GPBP1: variants seen among roughly 807,000 people sequenced by gnomAD.
The protein encoded by GPBP1 is GC-rich promoter binding protein 1.
Under a neutral mutation model 56.5 loss-of-function variants are expected in GPBP1, and 13 were observed. The observed-to-expected ratio is 0.23, with a 90% CI of 0.15 to 0.37. The LOEUF (loss-of-function observed/expected upper bound fraction) is 0.37. Among genes scored for constraint, GPBP1 ranks in the 10% least tolerant of loss-of-function variants. The pLI is 1.00. For missense variants in GPBP1, 477 were observed against 572.3 expected (o/e 0.83, Z 1.70); for synonymous variants, 204 against 188.9 (o/e 1.08, Z -0.66).
chr5:57,209,777 TGTG>T (rs1755396245), intron 2 of GPBP1, among the ~76,000 whole-genome samples: 1 of 152,200 alleles, frequency 6.6e-6, no homozygotes, highest in Non-Finnish European at 1.5e-5. Context: ...ATGTTATTAA[TGTG>T]GTGTATTATT....
chr5:57,255,864 G>A (rs908574863), intron 10 of GPBP1, among the ~76,000 whole-genome samples: 2 of 152,202 alleles, frequency 1.3e-5, no homozygotes, highest in Non-Finnish European at 1.5e-5. Flanking sequence ...ACTTGTGGAA[G>A]AGAGACTTTA....
chr5:57,248,681 G>A (rs989802320), intron 8 of GPBP1, among the ~76,000 whole-genome samples: 3 of 151,934 alleles, frequency 2.0e-5, no homozygotes, highest in Non-Finnish European at 4.4e-5. Flanking sequence ...TGATCCGCCC[G>A]CCTCGGCCTC....
intron 2 of GPBP1, among the ~76,000 whole-genome samples, chr5:57,183,532 A>G (rs1754153069): frequency 6.6e-6 from 1 of 152,062 alleles, no homozygotes; most frequent in South Asian, 2.1e-4. Flanking sequence ...AGTCCCAGCT[A>G]CTTGGGAGGC....
chr5:57,225,508 A>AAAAAC lies in GPBP1; in HGVS notation c.64-5335_64-5334insACAAA, dbSNP rs1554069044. Among the ~76,000 whole-genome samples, 381 of 123,576 alleles carry AAAAAC rather than the reference A, an allele frequency of 3.1e-3. 6 individuals are homozygous for AAAAAC. Among genetic ancestry groups the AAAAAC allele is most frequent in the Middle Eastern group, 5.0e-3 (1 of 200 alleles). 81.1% of individuals were successfully genotyped at this position (123,576 alleles called of 152,430 possible). A position where few individuals can be genotyped will look rare whatever the true frequency, so the allele number is the denominator to read the frequency against. ...TTCCTTCTCAAAAAAAAAAAAAAAA[A>AAAAAC]AAACAAACTGGTATTATTTGTGAAC... On this transcript the variant is annotated intron_variant, in intron 3 of 11. Coordinates refer to ENST00000506184, the MANE Select transcript of GPBP1 (RefSeq NM_022913.4).
At chr5:57,201,231 T>A (rs1425076252) in intron 2 of GPBP1, among the ~76,000 whole-genome samples, 1 of 152,238 alleles carries the variant, frequency 6.6e-6, no homozygotes, top group Non-Finnish European at 1.5e-5. Flanking sequence ...AGGCTCGTGA[T>A]CCTTCTGCCT....
At chr5:57,208,655 C>CTTTTTTTTTTTTTTTTT (rs70999065) in intron 2 of GPBP1, among the ~76,000 whole-genome samples, 1 of 119,072 alleles carries the variant, frequency 8.4e-6, no homozygotes, top group African/African-American at 3.3e-5. Flanking sequence ...TTTTGTTTTT[C>CTTTTTTTTTTTTTTTTT]TTTTTTTTTT....
intron 2 of GPBP1, among the ~76,000 whole-genome samples, chr5:57,211,942 A>C (rs928888684): frequency 2.0e-5 from 3 of 151,354 alleles, no homozygotes; most frequent in African/African-American, 4.9e-5. Context: ...AATTAAAAAA[A>C]AATTTTTTTT....
intron 9 of GPBP1, among the ~76,000 whole-genome samples, 185 bp downstream of exon 9, chr5:57,249,761 C>CCCCCTTCCCCCCT (rs1465147260): frequency 2.0e-4 from 21 of 103,240 alleles, no homozygotes; most frequent in African/African-American, 7.5e-4. Context: ...CCTTCCCCCT[C>CCCCCTTCCCCCCT]CCCCTTCCCC....
At chr5:57,252,722 T>A (rs1204392646) in intron 10 of GPBP1, among the ~76,000 whole-genome samples, 2 of 151,908 alleles carry the variant, frequency 1.3e-5, no homozygotes, top group Non-Finnish European at 2.9e-5. Flanking sequence ...TAAATTTTTT[T>A]TTTTTTTTTG....
At chr5:57,230,157 C>G (rs1756387129) in intron 3 of GPBP1, among the ~76,000 whole-genome samples, 1 of 152,078 alleles carries the variant, frequency 6.6e-6, no homozygotes, top group South Asian at 2.1e-4. Flanking sequence ...GTCTCGAACT[C>G]CCAATCTCAG....
intron 2 of GPBP1, among the ~76,000 whole-genome samples, chr5:57,196,544 G>T (rs1243230575): frequency 6.6e-6 from 1 of 152,118 alleles, no homozygotes; most frequent in Non-Finnish European, 1.5e-5. Flanking sequence ...TGCTTTCATG[G>T]TGCTAAAAGG....
chr5:57,223,143 T>A (rs1018556632), intron 3 of GPBP1, among the ~76,000 whole-genome samples: 1 of 152,138 alleles, frequency 6.6e-6, no homozygotes, highest in African/African-American at 2.4e-5. Context: ...TGTCCTTAAT[T>A]TTTTTTCCCT....
chr5:57,211,007 G>A (rs1370471764), intron 2 of GPBP1, among the ~76,000 whole-genome samples: 1 of 152,092 alleles, frequency 6.6e-6, no homozygotes, highest in East Asian at 1.9e-4. Flanking sequence ...GTTGGTTGGG[G>A]GGACACAGTT....
At chr5:57,247,013 T>G (rs1741120826) in intron 7 of GPBP1, 62 bp from the exon 8 acceptor site, 4 of 1,487,378 alleles carry the variant, frequency 2.7e-6, no homozygotes, top group Non-Finnish European at 2.7e-6. Context: ...ATATTCACTG[T>G]TTTTGTCTTT....
intron 6 of GPBP1, among the ~76,000 whole-genome samples, chr5:57,243,640 G>T (rs1484545337): frequency 6.6e-6 from 1 of 150,920 alleles, no homozygotes; most frequent in Non-Finnish European, 1.5e-5. Context: ...CTATATTGAG[G>T]CTTAAAGATA....
intron 6 of GPBP1, among the ~76,000 whole-genome samples, chr5:57,238,971 A>G (rs962843359): frequency 2.0e-5 from 3 of 152,246 alleles, no homozygotes; most frequent in Non-Finnish European, 4.4e-5. Flanking sequence ...ATTGAGTGAC[A>G]TAATTGCATT....
intron 3 of GPBP1, among the ~76,000 whole-genome samples, chr5:57,219,138 G>C (rs764492347): frequency 6.6e-5 from 10 of 151,764 alleles, no homozygotes; most frequent in African/African-American, 1.5e-4. Context: ...CACTTTAGGA[G>C]GCCAAGGCTG....
chr5:57,194,839 T>C (rs552619016), intron 2 of GPBP1, among the ~76,000 whole-genome samples: 3 of 152,306 alleles, frequency 2.0e-5, no homozygotes, highest in Non-Finnish European at 4.4e-5. Context: ...TTTTGTTCTT[T>C]TTTATGACTG....
intron 10 of GPBP1, among the ~76,000 whole-genome samples, chr5:57,258,032 C>T (rs908295690): frequency 6.6e-6 from 1 of 152,080 alleles, no homozygotes; most frequent in African/African-American, 2.4e-5. Context: ...AACTTCTAAT[C>T]CTAGATTTTC....
Sources: allele counts gnomAD v4.1 joint callset (sites outside exome capture counted in the v4.1 genomes callset), GRCh38; gene constraint gnomAD v4.1.1; transcripts MANE v1.5; gene names NCBI Gene and HGNC (gene_info 2026-07-23, HGNC 2026-07-21).